IL22: variants seen among roughly 807,000 people sequenced by gnomAD.
The protein encoded by IL22 is interleukin 22.
A neutral mutation model predicts 15.5 loss-of-function variants in IL22; 15 were observed. The ratio of observed to expected loss-of-function variants is 0.97; its 90% CI spans 0.65 to 1.49. IL22 has a LOEUF of 1.49. Among genes scored for constraint, IL22 ranks in the 40% most tolerant of loss-of-function variants. The pLI is 0.00. For synonymous variants in IL22, 91 were observed against 82.0 expected (o/e 1.11, Z -0.60); for missense variants, 225 against 215.4 (o/e 1.04, Z -0.28).
In IL22 at chr12:68,248,280, G is replaced by A. The variant is rs1336751196; in HGVS notation, c.*519C>T. On this transcript the variant is annotated 3_prime_UTR_variant, in exon 6 of 6. Transcript: ENST00000538666. ...GTGTTTATTGAGGTCAAATAAACAT[G>A]TTATAGCTCTATAATTATTGTCATA... is the stretch of plus-strand genomic sequence containing the variant. The A allele has an allele frequency of 6.6e-6, 1 of 152,236 alleles. No individual in the cohort carries two copies. The highest frequency in any genetic ancestry group is 1.5e-5 in the Non-Finnish European group (1 of 68,014). The allele number at this position is 152,236 out of a possible 1,614,324, so 9.4% of individuals were successfully genotyped here. A position where few individuals can be genotyped will look rare whatever the true frequency, so the allele number is the denominator to read the frequency against.
intron 4 of IL22, 47 bp downstream of exon 4, chr12:68,252,457 A>G (rs201589439): frequency 6.2e-7 from 1 of 1,600,810 alleles, no homozygotes; most frequent in Non-Finnish European, 8.5e-7. Context: ...TCTCTGTGGA[A>G]GGAGGGAAGG....
At chr12:68,249,685 T>G (rs1869861032) in intron 5 of IL22, among the ~76,000 whole-genome samples, 1 of 152,238 alleles carries the variant, frequency 6.6e-6, no homozygotes, top group Non-Finnish European at 1.5e-5. Flanking sequence ...CCAAGTCAAA[T>G]GCAGATGAGG....
Position 68,248,714 on chromosome 12 carries a change from G to T in IL22, c.*85C>A. The stretch of plus-strand genomic sequence containing the variant: ...AGTTTGGCTTCCCATCTTCCTTTTG[G>T]TTAAAAAAAATCGCTTTGGGGCATC... On this transcript the variant is annotated 3_prime_UTR_variant, in exon 6 of 6. Coordinates refer to ENST00000538666, the MANE Select transcript of IL22 (RefSeq NM_020525.5). The T allele has an allele frequency of 2.8e-6, 3 of 1,070,414 alleles. No homozygotes were observed. Among genetic ancestry groups the T allele is most frequent in the South Asian group, 1.4e-5 (1 of 69,918 alleles). The allele number at this position is 1,070,414 out of a possible 1,614,324, so 66.3% of individuals were successfully genotyped here.
rs776307667 is a variant in IL22, at chr12:68,251,567, A to G, written c.408T>C (p.Gly136=). The G allele has an allele frequency of 1.6e-5, 26 of 1,611,378 alleles. No homozygotes were observed. The South Asian group carries it at 2.5e-4, about 16-fold the overall frequency. ...SNRLSTCHIE[G]DDLHIQRNVQ... ...CATTCCTCTGGATATGCAGGTCATC[A>G]CCTTCAATATGCTATAAAACAATAA... Residue 136 remains glycine, a synonymous_variant, in exon 5 of 6, where the codon GGT becomes GGC. Transcript: ENST00000538666.
chr12:68,250,483 G>A (rs1322562345), intron 5 of IL22, among the ~76,000 whole-genome samples: 2 of 152,088 alleles, frequency 1.3e-5, no homozygotes, highest in Non-Finnish European at 2.9e-5. Context: ...AAAAAGTCAA[G>A]AGGGAAAAAG....
At chr12:68,251,786 C>T (rs191933806) in intron 4 of IL22, among the ~76,000 whole-genome samples, 12 of 152,254 alleles carry the variant, frequency 7.9e-5, no homozygotes, top group African/African-American at 2.6e-4. Flanking sequence ...TTACAAGAGA[C>T]CTCTCTTCAT....
chr12:68,250,546 T>C (rs951750274), intron 5 of IL22, among the ~76,000 whole-genome samples: 8 of 152,242 alleles, frequency 5.3e-5, no homozygotes, highest in Non-Finnish European at 1.2e-4. Flanking sequence ...GGAGCCTTCA[T>C]GTTTCTGAGT....
In IL22 at chr12:68,248,679, A is replaced by T; in HGVS notation, c.*120T>A. 4.1e-6 allele frequency: 3 copies of T among 740,268 alleles called. No homozygotes were observed. The highest frequency in any genetic ancestry group is 6.9e-6 in the Non-Finnish European group (3 of 433,304). The allele number at this position is 740,268 out of a possible 1,614,324, so 45.9% of individuals were successfully genotyped here. A position where few individuals can be genotyped will look rare whatever the true frequency, so the allele number is the denominator to read the frequency against. On this transcript the variant is annotated 3_prime_UTR_variant, in exon 6 of 6. Transcript: ENST00000538666. Reference sequence around the variant, plus strand: ...GCAGGGGTTCATTTGGAATCCACCCATCATGATGGAGTTTGGCTTCCCATC... The same window carrying T: ...GCAGGGGTTCATTTGGAATCCACCCTTCATGATGGAGTTTGGCTTCCCATC...
chr12:68,248,987 C>T lies in IL22; in HGVS notation c.463-111G>A, dbSNP rs1869831497. 4 of 837,194 alleles carry T rather than the reference C, an allele frequency of 4.8e-6. No homozygotes were observed. In the South Asian group the frequency reaches 5.9e-5, roughly 12 times the overall value. The allele number at this position is 837,194 out of a possible 1,614,324, so 51.9% of individuals were successfully genotyped here. On this transcript the variant is annotated intron_variant, in intron 5 of 5. Transcript: ENST00000538666. ...ATGGAGACAGAAACCGAGTTTTAAG[C>T]ATTTGTAAAACATTCATAGTAATAT...
intron 4 of IL22, 51 bp downstream of exon 4, chr12:68,252,453 T>C (rs757813617): frequency 1.3e-6 from 2 of 1,596,576 alleles, no homozygotes; most frequent in Non-Finnish European, 1.7e-6. Flanking sequence ...GGGGTCTCTG[T>C]GGAAGGAGGG....
At position 68,252,673 on chromosome 12, in the gene IL22, G is replaced by A. The variant is rs760826064; in HGVS notation, c.253-26C>T. ...CTGCAGGTGGAAGGGAAACAGAAAG[G>A]GTCATAAGGGATAAGACCTAAACCA... On this transcript the variant is annotated intron_variant, in intron 3 of 5. Coordinates refer to ENST00000538666, the MANE Select transcript of IL22 (RefSeq NM_020525.5). The A allele has an allele frequency of 5.6e-6, 9 of 1,613,786 alleles. No homozygotes were observed. In the Admixed American group the frequency reaches 8.3e-5, roughly 15 times the overall value.
At chr12:68,252,043 C>G (rs1281990745) in intron 4 of IL22, among the ~76,000 whole-genome samples, 3 of 152,112 alleles carry the variant, frequency 2.0e-5, no homozygotes, top group Non-Finnish European at 4.4e-5. Flanking sequence ...TCACACGCCT[C>G]CGATTTTGTG....
Position 68,253,508 on chromosome 12 carries a change from A to G in IL22, c.-46-14T>C, listed in dbSNP as rs985125034. 2 of 1,317,224 alleles carry G rather than the reference A, an allele frequency of 1.5e-6. No homozygotes were observed. The highest frequency in any genetic ancestry group is 2.1e-6 in the Non-Finnish European group (2 of 960,284). The allele number at this position is 1,317,224 out of a possible 1,614,324, so 81.6% of individuals were successfully genotyped here. A position where few individuals can be genotyped will look rare whatever the true frequency, so the allele number is the denominator to read the frequency against. On this transcript the variant is annotated splice_polypyrimidine_tract_variant and intron_variant, in intron 1 of 5. Coordinates refer to ENST00000538666, the MANE Select transcript of IL22 (RefSeq NM_020525.5). Reference sequence around the variant, plus strand: ...GGGAAGGAGAACCTGGTCGAAGACAACGTGAAGGAACAAAATTAGTCAAGA... The same window carrying G: ...GGGAAGGAGAACCTGGTCGAAGACAGCGTGAAGGAACAAAATTAGTCAAGA...
chr12:68,250,794 A>G (rs1869902157), intron 5 of IL22, among the ~76,000 whole-genome samples: 1 of 152,120 alleles, frequency 6.6e-6, no homozygotes, highest in Non-Finnish European at 1.5e-5. Context: ...TTGATGGGAG[A>G]GAGGAAGAAA....
intron 4 of IL22, among the ~76,000 whole-genome samples, chr12:68,251,972 T>C (rs951909912): frequency 2.6e-5 from 4 of 152,214 alleles, no homozygotes; most frequent in Non-Finnish European, 1.5e-5. Flanking sequence ...CTAGGGCCTT[T>C]TACTGGGCCC....
Position 68,252,626 on chromosome 12 carries a change from T to C in IL22, c.274A>G (p.Met92Val). 1.2e-6 allele frequency: 2 copies of C among 1,613,986 alleles called. No homozygotes were observed. The highest frequency in any genetic ancestry group is 8.5e-7 in the Non-Finnish European group (1 of 1,179,944). Residue 92 changes from methionine to valine, a missense_variant, in exon 4 of 6, where the codon ATG (methionine) becomes GTG (valine). Physicochemically the swap from Met to Val is conservative, Grantham distance 21 (BLOSUM62 1). Transcript: ENST00000538666. ...AGGGTGAAGTTCAGCACCTGCTTCATCAGATAGCAGCGCTCACTCATCTGC... is the reference window on the plus strand; with the variant it reads ...AGGGTGAAGTTCAGCACCTGCTTCACCAGATAGCAGCGCTCACTCATCTGC... ...GVSMSERCYL[M>V]KQVLNFTLEE...
At position 68,252,571 on chromosome 12, in the gene IL22, C is replaced by G; in HGVS notation, c.329G>C (p.Arg110Thr). 1.2e-6 allele frequency: 2 copies of G among 1,614,022 alleles called. No homozygotes were observed. Among genetic ancestry groups the G allele is most frequent in the Non-Finnish European group, 1.7e-6 (2 of 1,179,916 alleles). ...LEEVLFPQSD[R>T]FQPYMQEVVP... ...CACCTCCTGCATATAAGGCTGGAAC[C>G]TATCAGATTGAGGGAACAGCACTTC... Residue 110 changes from arginine (R) to threonine (T), a missense_variant, in exon 4 of 6, where the codon AGG (arginine) becomes ACG (threonine). By Grantham distance (71) the Arg-to-Thr change is moderately conservative. Transcript: ENST00000538666.
chr12:68,249,959 G>C (rs1869871678), intron 5 of IL22, among the ~76,000 whole-genome samples: 1 of 151,982 alleles, frequency 6.6e-6, no homozygotes, highest in Non-Finnish European at 1.5e-5. Flanking sequence ...GTCCCCTACT[G>C]TCTGTCATGC....
rs1188128801 is a variant in IL22 at position 68,248,265 on chromosome 12, A to C, written c.*534T>G. On this transcript the variant is annotated 3_prime_UTR_variant, in exon 6 of 6. Coordinates refer to ENST00000538666, the MANE Select transcript of IL22 (RefSeq NM_020525.5). ...ACTTAGGATATCCAAGTGTTTATTG[A>C]GGTCAAATAAACATGTTATAGCTCT... is the stretch of plus-strand genomic sequence containing the variant. 1.3e-5 allele frequency: 2 copies of C among 152,324 alleles called. No homozygotes were observed. The highest frequency in any genetic ancestry group is 4.8e-5 in the African/African-American group (2 of 41,436). 9.4% of individuals were successfully genotyped at this position (152,324 alleles called of 1,614,324 possible).
Sources: gnomAD v4.1 joint callset for allele counts (sites outside exome capture counted in the v4.1 genomes callset) on GRCh38, gnomAD v4.1.1 for gene constraint, MANE v1.5 for transcripts, NCBI Gene and HGNC (gene_info 2026-07-23, HGNC 2026-07-21) for gene names.